Variants in TEAD1 observed in about 807,000 individuals in gnomAD.
TEAD1 encodes the protein transcriptional enhancer factor TEF-1.
Under a neutral mutation model 54.9 loss-of-function variants are expected in TEAD1, and 9 were observed. That is an observed-to-expected ratio of 0.16 (90% CI 0.10 to 0.29). TEAD1 has a LOEUF of 0.29. Among genes scored for constraint, TEAD1 ranks in the 10% least tolerant of loss-of-function variants. TEAD1 has a pLI of 1.00. For synonymous variants in TEAD1, 200 were observed against 187.8 expected, an observed-to-expected ratio of 1.07 and a Z score of -0.53; for missense variants, 387 against 535.9, an observed-to-expected ratio of 0.72 and a Z score of 2.74.
intron 2 of TEAD1, among the ~76,000 whole-genome samples, chr11:12,685,857 G>A (rs564312341): frequency 1.3e-5 from 2 of 152,318 alleles, no homozygotes; most frequent in Admixed American, 6.5e-5. Flanking sequence ...AATCTGATTT[G>A]CAGATTGACT....
intron 9 of TEAD1, among the ~76,000 whole-genome samples, chr11:12,891,581 CAGGATTGCTA>C (rs1472686822): frequency 1.3e-5 from 2 of 152,200 alleles, no homozygotes; most frequent in Non-Finnish European, 2.9e-5. Flanking sequence ...GAGGAGGAAG[CAGGATTGCTA>C]AGAACTGACT....
At chr11:12,727,850 CTTGTT>C (rs1280719874) in intron 2 of TEAD1, among the ~76,000 whole-genome samples, 5 of 152,034 alleles carry the variant, frequency 3.3e-5, no homozygotes, top group Non-Finnish European at 7.4e-5. Context: ...GTCCTTGTTC[CTTGTT>C]TTGTTTAGTC....
chr11:12,837,283 T>C (rs571858140), intron 3 of TEAD1, among the ~76,000 whole-genome samples: 1 of 65,260 alleles, frequency 1.5e-5, no homozygotes, highest in South Asian at 7.9e-4. Context: ...AAAATTATTA[T>C]TATTTTAATT....
At chr11:12,925,463 T>C (rs935315551) in intron 11 of TEAD1, among the ~76,000 whole-genome samples, 6 of 152,210 alleles carry the variant, frequency 3.9e-5, no homozygotes, top group African/African-American at 1.4e-4. Flanking sequence ...GCCCCTCCTC[T>C]GACATGTGGG....
At chr11:12,930,470 G>A in intron 12 of TEAD1, 144 bp downstream of exon 12, 1 of 922,784 alleles carries the variant, frequency 1.1e-6, no homozygotes, top group Non-Finnish European at 1.7e-6. Flanking sequence ...TCAGTCAGCA[G>A]TTGAATTTGC....
intron 10 of TEAD1, among the ~76,000 whole-genome samples, chr11:12,910,887 C>G (rs1194690250): frequency 6.6e-6 from 1 of 151,716 alleles, no homozygotes; most frequent in South Asian, 2.1e-4. Context: ...GCTGGGATTA[C>G]AGGCACCTGC....
intron 3 of TEAD1, among the ~76,000 whole-genome samples, chr11:12,808,855 G>A (rs1946231806): frequency 6.6e-6 from 1 of 152,136 alleles, no homozygotes; most frequent in Non-Finnish European, 1.5e-5. Flanking sequence ...TGTAAAATGG[G>A]GAGAAGAATA....
intron 2 of TEAD1, among the ~76,000 whole-genome samples, chr11:12,726,821 G>C (rs1254922512): frequency 6.6e-6 from 1 of 152,178 alleles, no homozygotes; most frequent in East Asian, 1.9e-4. Flanking sequence ...CTGGGTGACA[G>C]AGTGAGACTC....
intron 2 of TEAD1, among the ~76,000 whole-genome samples, chr11:12,704,375 C>T (rs1382166661): frequency 6.6e-6 from 1 of 152,264 alleles, no homozygotes; most frequent in Non-Finnish European, 1.5e-5. Context: ...TCTCTTCCAG[C>T]CTCCTGGCCA....
chr11:12,713,792 C>CCA, intron 2 of TEAD1, among the ~76,000 whole-genome samples: 2 of 152,218 alleles, frequency 1.3e-5, no homozygotes, highest in Non-Finnish European at 2.9e-5. Context: ...ACTCCGCCGT[C>CCA]CTTTGCGTGT....
chr11:12,756,554 C>T (rs1944986891), intron 2 of TEAD1, among the ~76,000 whole-genome samples: 1 of 152,180 alleles, frequency 6.6e-6, no homozygotes, highest in African/African-American at 2.4e-5. Flanking sequence ...ACATTCCTCT[C>T]AGCTGCCCAC....
intron 3 of TEAD1, among the ~76,000 whole-genome samples, chr11:12,820,764 C>T (rs1946528104): frequency 6.6e-6 from 1 of 152,276 alleles, no homozygotes; most frequent in South Asian, 2.1e-4. Flanking sequence ...AGTGCTGTTT[C>T]CCCAAATTAA....
chr11:12,701,119 C>G (rs1409234966), intron 2 of TEAD1, among the ~76,000 whole-genome samples: 2 of 152,074 alleles, frequency 1.3e-5, no homozygotes, highest in Non-Finnish European at 2.9e-5. Context: ...TTTGTAAGAC[C>G]GTTGTGTTTT....
At chr11:12,866,862 G>T (rs1402599281) in intron 5 of TEAD1, among the ~76,000 whole-genome samples, 2 of 152,204 alleles carry the variant, frequency 1.3e-5, no homozygotes, top group Admixed American at 1.3e-4. Flanking sequence ...CCAATATCCT[G>T]TTCAGGGAGC....
In TEAD1 at chr11:12,762,020, G is replaced by A. The variant is rs369287785; in HGVS notation, c.-54-2159G>A. Among the ~76,000 whole-genome samples the A allele has an allele frequency of 7.2e-5, 11 of 152,194 alleles. No individual in the cohort carries two copies. The South Asian group carries it at 1.5e-3, about 20-fold the overall frequency. ...ATGAGAACATTCTTTTAAGGCAGTC[G>A]AAGGTCCCTCAGTCCCTTCAGCCAT... On this transcript the variant is annotated intron_variant, in intron 2 of 12. Coordinates refer to ENST00000527636, the MANE Select transcript of TEAD1 (RefSeq NM_021961.6).
intron 3 of TEAD1, among the ~76,000 whole-genome samples, chr11:12,785,099 G>A (rs978063331): frequency 1.3e-5 from 2 of 152,200 alleles, no homozygotes; most frequent in Admixed American, 6.5e-5. Context: ...ACACCCTAAT[G>A]TGAGGATGTT....
chr11:12,717,897 T>TG (rs1944098685), intron 2 of TEAD1, among the ~76,000 whole-genome samples: 1 of 152,140 alleles, frequency 6.6e-6, no homozygotes, highest in Non-Finnish European at 1.5e-5. Context: ...GGTTGTACAG[T>TG]GGGGGTATTA....
At chr11:12,843,893 A>G (rs1249016176) in intron 3 of TEAD1, among the ~76,000 whole-genome samples, 2 of 152,222 alleles carry the variant, frequency 1.3e-5, no homozygotes, top group East Asian at 1.9e-4. Flanking sequence ...ACCATTGACC[A>G]CGAAGCCTAA....
At chr11:12,721,414 G>A (rs1309118114) in intron 2 of TEAD1, among the ~76,000 whole-genome samples, 3 of 152,194 alleles carry the variant, frequency 2.0e-5, no homozygotes, top group Non-Finnish European at 4.4e-5. Flanking sequence ...AGCAGCTGGG[G>A]TTACTTTGTG....
Sources: allele counts gnomAD v4.1 joint callset (sites outside exome capture counted in the v4.1 genomes callset), GRCh38; gene constraint gnomAD v4.1.1; transcripts MANE v1.5; gene names NCBI Gene and HGNC (gene_info 2026-07-23, HGNC 2026-07-21).